The following CNTN4 variants were observed in gnomAD, a reference collection of about 807,000 sequenced individuals.
CNTN4 encodes contactin-4.
A neutral mutation model predicts 122.5 loss-of-function variants in CNTN4; 77 were observed. The ratio of observed to expected loss-of-function variants is 0.63; its 90% CI spans 0.52 to 0.76. The LOEUF (loss-of-function observed/expected upper bound fraction) is 0.76, where lower values mean the gene tolerates loss of function less well. Among genes scored for constraint, CNTN4 ranks in the 30% least tolerant of loss-of-function variants. The pLI, the probability that CNTN4 is intolerant of heterozygous loss-of-function variation, is 0.00. For missense variants in CNTN4, 1,256 were observed against 1,259.1 expected (o/e 1.00, Z 0.04); for synonymous variants, 512 against 447.0 (o/e 1.15, Z -1.83).
At chr3:2,325,572 C>G (rs1183276757) in intron 2 of CNTN4, among the ~76,000 whole-genome samples, 1 of 152,148 alleles carries the variant, frequency 6.6e-6, no homozygotes, top group Non-Finnish European at 1.5e-5. Flanking sequence ...GTGAAAGCCA[C>G]AGAATCTTTT....
At chr3:2,361,784 T>C (rs2045153561) in intron 3 of CNTN4, among the ~76,000 whole-genome samples, 1 of 152,240 alleles carries the variant, frequency 6.6e-6, no homozygotes, top group Non-Finnish European at 1.5e-5. Context: ...TGTGTAGACA[T>C]TGAGCAGTGA....
intron 7 of CNTN4, among the ~76,000 whole-genome samples, chr3:2,833,695 C>T (rs1232364662): frequency 6.6e-6 from 1 of 152,180 alleles, no homozygotes; most frequent in Non-Finnish European, 1.5e-5. Flanking sequence ...CATGGTGTTA[C>T]ACACAGTTCC....
intron 2 of CNTN4, among the ~76,000 whole-genome samples, chr3:2,239,538 G>T (rs1415547489): frequency 6.6e-6 from 1 of 152,054 alleles, no homozygotes; most frequent in African/African-American, 2.4e-5. Context: ...ACAAGCTTTG[G>T]GATCTTGGGC....
At chr3:2,670,499 G>T (rs1018340160) in intron 4 of CNTN4, among the ~76,000 whole-genome samples, 1 of 152,048 alleles carries the variant, frequency 6.6e-6, no homozygotes, top group Non-Finnish European at 1.5e-5. Flanking sequence ...CTGCACGTGG[G>T]ATGGGTTTCC....
intron 4 of CNTN4, among the ~76,000 whole-genome samples, chr3:2,590,614 A>G (rs1403684479): frequency 6.6e-6 from 1 of 151,748 alleles, no homozygotes; most frequent in African/African-American, 2.4e-5. Context: ...GCCTTCTCTA[A>G]CCTCATCTCA....
chr3:2,374,099 T>A (rs1373818611), intron 3 of CNTN4, among the ~76,000 whole-genome samples: 2 of 152,170 alleles, frequency 1.3e-5, no homozygotes, highest in Non-Finnish European at 2.9e-5. Context: ...AAGAAGATGG[T>A]TCTTTTGTAA....
chr3:2,580,795 G>C (rs1332190004), intron 4 of CNTN4, among the ~76,000 whole-genome samples: 1 of 152,146 alleles, frequency 6.6e-6, no homozygotes, highest in Non-Finnish European at 1.5e-5. Flanking sequence ...CCTCAGTTTT[G>C]TATGCACTAT....
chr3:2,263,836 A>G (rs2040936195), intron 2 of CNTN4, among the ~76,000 whole-genome samples: 1 of 123,212 alleles, frequency 8.1e-6, no homozygotes, highest in Non-Finnish European at 2.0e-5. Flanking sequence ...ATCTCCCTGA[A>G]ATCTACTTTT....
chr3:2,736,502 T>A (rs1317761424), intron 5 of CNTN4, among the ~76,000 whole-genome samples, 161 bp downstream of exon 5: 1 of 151,680 alleles, frequency 6.6e-6, no homozygotes. Flanking sequence ...TTGCTCTTGT[T>A]GCCCAGGCTG....
chr3:2,217,449 T>A (rs1282892447), intron 2 of CNTN4, among the ~76,000 whole-genome samples: 1 of 152,216 alleles, frequency 6.6e-6, no homozygotes, highest in Non-Finnish European at 1.5e-5. Flanking sequence ...TTTCATGCTG[T>A]TTGAAACAAT....
intron 13 of CNTN4, among the ~76,000 whole-genome samples, chr3:2,941,442 C>T (rs907821642): frequency 6.6e-6 from 1 of 152,206 alleles, no homozygotes; most frequent in African/African-American, 2.4e-5. Context: ...CCACCAGTCT[C>T]CACCCTGAAC....
chr3:2,592,500 G>A (rs991720054), intron 4 of CNTN4, among the ~76,000 whole-genome samples: 1 of 152,128 alleles, frequency 6.6e-6, no homozygotes, highest in African/African-American at 2.4e-5. Context: ...TGAATCATGG[G>A]GATGGGTCTT....
At chr3:2,335,339 T>G (rs184863596) in intron 2 of CNTN4, among the ~76,000 whole-genome samples, 1 of 152,284 alleles carries the variant, frequency 6.6e-6, no homozygotes, top group African/African-American at 2.4e-5. Context: ...ATTTTCTGCA[T>G]AGTATGAACT....
At chr3:2,220,727 C>A (rs1476256306) in intron 2 of CNTN4, among the ~76,000 whole-genome samples, 3 of 152,084 alleles carry the variant, frequency 2.0e-5, no homozygotes, top group Non-Finnish European at 4.4e-5. Flanking sequence ...AGGAGCTTGA[C>A]ACCATACTGT....
chr3:2,686,700 CTTTCACA>C (rs2085448107), intron 4 of CNTN4, among the ~76,000 whole-genome samples: 1 of 152,136 alleles, frequency 6.6e-6, no homozygotes, highest in African/African-American at 2.4e-5. Flanking sequence ...ATGGTCTCTG[CTTTCACA>C]TTTCACTAAA....
At chr3:2,954,396 T>C (rs1207265766) in intron 13 of CNTN4, among the ~76,000 whole-genome samples, 1 of 152,228 alleles carries the variant, frequency 6.6e-6, no homozygotes, top group African/African-American at 2.4e-5. Context: ...TGTCTGGTCT[T>C]TCTCTCTTTT....
rs1234334638 is a variant in CNTN4, at chr3:2,773,762, C to CTTTTTTTTTTT, written c.358+28071_358+28081dup. On this transcript the variant is annotated intron_variant, in intron 6 of 24. Transcript: ENST00000418658. The stretch of plus-strand genomic sequence containing the variant: ...GAAGCCTTCATCTCAATGTAGTAGA[C>CTTTTTTTTTTT]TTTTTTTTTTTTTTTTGAGACGGAG... Among the ~76,000 whole-genome samples the CTTTTTTTTTTT allele has an allele frequency of 2.0e-3, 219 of 107,506 alleles. 12 individuals are homozygous for CTTTTTTTTTTT. The highest frequency in any genetic ancestry group is 3.2e-3 in the African/African-American group (93 of 28,798). The allele number at this position is 107,506 out of a possible 152,430, so 70.5% of individuals were successfully genotyped here.
chr3:2,514,764 C>G (rs2076992200), intron 3 of CNTN4, among the ~76,000 whole-genome samples: 1 of 152,194 alleles, frequency 6.6e-6, no homozygotes, highest in South Asian at 2.1e-4. Flanking sequence ...CTTATTCTAA[C>G]TGGGCATTCA....
At chr3:2,153,350 A>G (rs2035576055) in intron 2 of CNTN4, among the ~76,000 whole-genome samples, 1 of 152,136 alleles carries the variant, frequency 6.6e-6, no homozygotes, top group Non-Finnish European at 1.5e-5. Context: ...TGCCCTACAA[A>G]TGAAATGGAT....
Sources: gnomAD v4.1 joint callset for allele counts (sites outside exome capture counted in the v4.1 genomes callset) on GRCh38, gnomAD v4.1.1 for gene constraint, MANE v1.5 for transcripts, NCBI Gene and HGNC (gene_info 2026-07-23, HGNC 2026-07-21) for gene names.